The following GRIA4 variants were observed in gnomAD, a reference collection of about 807,000 sequenced individuals.
The protein encoded by GRIA4 is glutamate receptor 4.
Under a neutral mutation model 104.0 loss-of-function variants are expected in GRIA4, and 34 were observed. That is an observed-to-expected ratio of 0.33 (90% CI 0.25 to 0.44). The LOEUF is 0.44. Ranked by LOEUF, GRIA4 falls within the 20% of genes least tolerant of loss-of-function variation. The probability of loss-of-function intolerance (pLI) is 1.00; values close to 1 mark genes in which losing one functional copy is unlikely to be tolerated. For synonymous variants in GRIA4, 386 were observed against 381.9 expected, an observed-to-expected ratio of 1.01 and a Z score of -0.13; for missense variants, 750 against 1,096.5, an observed-to-expected ratio of 0.68 and a Z score of 4.46.
chr11:105,696,338 G>A (rs1042885159), intron 3 of GRIA4, among the ~76,000 whole-genome samples: 4 of 152,144 alleles, frequency 2.6e-5, no homozygotes, highest in East Asian at 1.9e-4. Flanking sequence ...GGACAAGGGC[G>A]ATGTCTTATT....
intron 3 of GRIA4, among the ~76,000 whole-genome samples, chr11:105,714,617 A>G (rs627041): frequency 0.54 from 81,599 of 151,854 alleles, 22,049 homozygotes; most frequent in Admixed American, 0.61. Context: ...CTTAGGAGAT[A>G]TATTTTCAAA....
rs57222107 is a variant in GRIA4, at chr11:105,981,591, A to ACACACACAC, written c.*1852_*1853insCACACACAC. On this transcript the variant is annotated 3_prime_UTR_variant, in exon 17 of 17. Transcript: ENST00000282499. Reference sequence around the variant, plus strand: ...CACACACACACACACACACACACACAAGTCCCTCAGGAAAAATTCCAAGCT... The same window carrying ACACACACAC: ...CACACACACACACACACACACACACACACACACACAGTCCCTCAGGAAAAATTCCAAGCT... 1.2e-4 allele frequency: 18 copies of ACACACACAC among 151,746 alleles called. No individual in the cohort carries two copies. The highest frequency in any genetic ancestry group is 3.9e-4 in the East Asian group (2 of 5,174). 9.4% of individuals were successfully genotyped at this position (151,746 alleles called of 1,614,324 possible). A position where few individuals can be genotyped will look rare whatever the true frequency, so the allele number is the denominator to read the frequency against.
intron 14 of GRIA4, among the ~76,000 whole-genome samples, chr11:105,934,820 G>A (rs1340938315): frequency 6.6e-6 from 1 of 152,128 alleles, no homozygotes; most frequent in Non-Finnish European, 1.5e-5. Context: ...AAAGGCTGCT[G>A]TTGAATTGAT....
At position 105,933,017 on chromosome 11, in the gene GRIA4, T is replaced by C. The variant is rs186755380; in HGVS notation, c.2047-705T>C. Among the ~76,000 whole-genome samples the C allele has an allele frequency of 4.1e-3, 619 of 152,190 alleles. 5 individuals carry two copies. The highest frequency in any genetic ancestry group is 0.014 in the African/African-American group (570 of 41,530). On this transcript the variant is annotated intron_variant, in intron 13 of 16. Transcript: ENST00000282499. ...ACTTTGGGAGGCTGAGGCAGTAGGATTGCTTGAGGTCAAGAGTTTGAGACC... is the reference window on the plus strand; with the variant it reads ...ACTTTGGGAGGCTGAGGCAGTAGGACTGCTTGAGGTCAAGAGTTTGAGACC...
chr11:105,629,479 G>T (rs1362397617), intron 3 of GRIA4, among the ~76,000 whole-genome samples: 1 of 151,806 alleles, frequency 6.6e-6, no homozygotes, highest in Non-Finnish European at 1.5e-5. Context: ...GAAAAAGATA[G>T]GTTCTCTTTT....
At chr11:105,728,902 G>A (rs1478226244) in intron 3 of GRIA4, among the ~76,000 whole-genome samples, 2 of 152,096 alleles carry the variant, frequency 1.3e-5, no homozygotes, top group African/African-American at 2.4e-5. Flanking sequence ...GAGAAAGTGG[G>A]AAAGATCTAA....
intron 14 of GRIA4, among the ~76,000 whole-genome samples, chr11:105,961,559 C>T (rs947935096): frequency 6.6e-6 from 1 of 152,090 alleles, no homozygotes; most frequent in African/African-American, 2.4e-5. Flanking sequence ...TTTTTGGGAC[C>T]AGAAGTGTTT....
At chr11:105,774,437 T>TA (rs1941363812) in intron 4 of GRIA4, among the ~76,000 whole-genome samples, 1 of 151,924 alleles carries the variant, frequency 6.6e-6, no homozygotes, top group African/African-American at 2.4e-5. Flanking sequence ...TATGAAATAA[T>TA]AAAAGTGGAA....
chr11:105,752,932 C>T, intron 3 of GRIA4, 49 bp from the exon 4 acceptor site: 1 of 1,571,510 alleles, frequency 6.4e-7, no homozygotes, highest in Non-Finnish European at 8.7e-7. Context: ...TCAAAGTCAA[C>T]AATTTGAGTG....
At chr11:105,702,466 A>C (rs1031543159) in intron 3 of GRIA4, among the ~76,000 whole-genome samples, 2 of 151,892 alleles carry the variant, frequency 1.3e-5, no homozygotes, top group East Asian at 3.8e-4. Context: ...AATAATAGGC[A>C]TAATGAAAAA....
At chr11:105,818,651 C>T (rs776287399) in intron 4 of GRIA4, among the ~76,000 whole-genome samples, 19 of 152,236 alleles carry the variant, frequency 1.2e-4, no homozygotes, top group Non-Finnish European at 2.4e-4. Flanking sequence ...AATTACATGA[C>T]AAATACAACT....
At chr11:105,742,932 T>G (rs189314166) in intron 3 of GRIA4, among the ~76,000 whole-genome samples, 1 of 152,234 alleles carries the variant, frequency 6.6e-6, no homozygotes, top group East Asian at 1.9e-4. Context: ...AGACAGGGTT[T>G]CATCATGTTG....
Position 105,838,361 on chromosome 11 carries a change from T to C in GRIA4, c.488-23663T>C, listed in dbSNP as rs539335744. Among the ~76,000 whole-genome samples the C allele has an allele frequency of 4.6e-5, 7 of 152,324 alleles. No homozygotes were observed. The South Asian group carries it at 1.2e-3, about 27-fold the overall frequency. ...GGGGCTTGCAGAACCAGCCCACTAC[T>C]TTATAGTTACATACATTATACTCTC... On this transcript the variant is annotated intron_variant, in intron 4 of 16. Transcript: ENST00000282499.
At position 105,646,785 on chromosome 11, in the gene GRIA4, A is replaced by G. The variant is rs1228950471; in HGVS notation, c.247+34351A>G. 2.0e-5 allele frequency among the ~76,000 whole-genome samples: 3 copies of G among 152,208 alleles called. No individual in the cohort carries two copies. The East Asian group carries it at 5.8e-4, about 29-fold the overall frequency. On this transcript the variant is annotated intron_variant, in intron 3 of 16. Transcript: ENST00000282499. ...CCCTTTCCTTATACCATATACAAAA[A>G]TTAACTCAAGACAGATTAGAGACTT...
At chr11:105,649,443 T>C (rs1951625061) in intron 3 of GRIA4, among the ~76,000 whole-genome samples, 1 of 152,194 alleles carries the variant, frequency 6.6e-6, no homozygotes, top group Admixed American at 6.5e-5. Context: ...TTGTCTTAAA[T>C]GATGTTTTTA....
In GRIA4 at chr11:105,800,084, AAGAT is replaced by A. The variant is rs200214137; in HGVS notation, c.487+46868_487+46871del. 9.4e-3 allele frequency among the ~76,000 whole-genome samples: 1,438 copies of A among 152,214 alleles called. 30 individuals are homozygous for A. The highest frequency in any genetic ancestry group is 0.033 in the African/African-American group (1,370 of 41,552). On this transcript the variant is annotated intron_variant, in intron 4 of 16. Coordinates refer to ENST00000282499, the MANE Select transcript of GRIA4 (RefSeq NM_000829.4). Reference sequence around the variant, plus strand: ...GCAAGAAAACACATAAAGACAATGAAAGATAGAACAAAAAAAGTAGGTCCAATAG... The same window carrying A: ...GCAAGAAAACACATAAAGACAATGAAAGAACAAAAAAAGTAGGTCCAATAG...
intron 3 of GRIA4, among the ~76,000 whole-genome samples, chr11:105,740,555 C>T (rs1244412583): frequency 6.6e-6 from 1 of 152,182 alleles, no homozygotes; most frequent in Admixed American, 6.6e-5. Context: ...AACGTGTATT[C>T]TCCTACATAA....
chr11:105,798,101 T>TACACAC (rs909085323), intron 4 of GRIA4, among the ~76,000 whole-genome samples: 1 of 151,324 alleles, frequency 6.6e-6, no homozygotes, highest in African/African-American at 2.4e-5. Flanking sequence ...CACACACACA[T>TACACAC]ACACACACAC....
intron 9 of GRIA4, among the ~76,000 whole-genome samples, chr11:105,907,136 A>G (rs1202175407): frequency 1.3e-5 from 2 of 152,242 alleles, no homozygotes; most frequent in African/African-American, 4.8e-5. Context: ...GAAGTGGGCT[A>G]TTCATAGTAC....
Sources: allele counts gnomAD v4.1 joint callset (sites outside exome capture counted in the v4.1 genomes callset), GRCh38; gene constraint gnomAD v4.1.1; transcripts MANE v1.5; gene names NCBI Gene and HGNC (gene_info 2026-07-23, HGNC 2026-07-21).